TMEM26: variants seen among roughly 807,000 people sequenced by gnomAD.
TMEM26 encodes the protein transmembrane protein 26.
In TMEM26, 38 loss-of-function variants were observed where a neutral mutation model predicts 28.8. That is an observed-to-expected ratio of 1.32 (90% CI 1.02 to 1.73). TMEM26 has a LOEUF of 1.73. TMEM26 is among the 40% of genes most tolerant of loss of function. The probability of loss-of-function intolerance (pLI) is 0.00; values close to 1 mark genes in which losing one functional copy is unlikely to be tolerated. For synonymous variants in TMEM26, 227 were observed against 182.9 expected (o/e 1.24, Z -1.95); for missense variants, 518 against 447.1 (o/e 1.16, Z -1.43).
chr10:61,428,844 G>T, intron 4 of TMEM26, 82 bp downstream of exon 4: 1 of 1,210,248 alleles, frequency 8.3e-7, no homozygotes, highest in Non-Finnish European at 1.2e-6. Context: ...TTATTCATGT[G>T]AAATACAAGT....
chr10:61,453,130 C>G lies in TMEM26; in HGVS notation c.-49G>C, dbSNP rs764396058. The G allele has an allele frequency of 1.3e-6, 2 of 1,580,104 alleles. No homozygotes were observed. The highest frequency in any genetic ancestry group is 1.3e-5 in the African/African-American group (1 of 74,374). On this transcript the variant is annotated 5_prime_UTR_variant, in exon 1 of 6. Transcript: ENST00000399298. Reference sequence around the variant, plus strand: ...GTCCCCTTGCCTGCGCCCCCAGGACCCTGCCGGGCGTGCCCGGAGCCCACC... The same window carrying G: ...GTCCCCTTGCCTGCGCCCCCAGGACGCTGCCGGGCGTGCCCGGAGCCCACC...
Position 61,409,940 on chromosome 10 carries a change from T to C in TMEM26, c.*382A>G, listed in dbSNP as rs188935882. The C allele has an allele frequency of 5.1e-6, 1 of 196,830 alleles. No individual in the cohort carries two copies. The highest frequency in any genetic ancestry group is 2.4e-5 in the African/African-American group (1 of 42,532). 12.2% of individuals were successfully genotyped at this position (196,830 alleles called of 1,614,324 possible). ...ACATTGCAGAAAAGATCAGACGAAA[T>C]AGTCTGACAATGGAGGCAAAGTTCA... On this transcript the variant is annotated 3_prime_UTR_variant, in exon 6 of 6. Coordinates refer to ENST00000399298, the MANE Select transcript of TMEM26 (RefSeq NM_178505.8).
At chr10:61,440,096 C>T (rs954199174) in intron 1 of TMEM26, among the ~76,000 whole-genome samples, 2 of 151,976 alleles carry the variant, frequency 1.3e-5, no homozygotes, top group Admixed American at 1.3e-4. Flanking sequence ...AAAAATTAGT[C>T]GGGCATGGTG....
In TMEM26 at chr10:61,453,064, G is replaced by A; in HGVS notation, c.18C>T (p.Phe6=). 1.2e-6 allele frequency: 2 copies of A among 1,613,312 alleles called. No individual in the cohort carries two copies. The highest frequency in any genetic ancestry group is 1.7e-6 in the Non-Finnish European group (2 of 1,179,924). The part of the protein sequence containing the change: MEGLV[F]LNALATRLLF... ...GCAACCGAGTGGCCAGGGCGTTAAG[G>A]AAGACCAGTCCCTCCATGCTGGCCG... The change falls in exon 1 of 6, where the codon TTC becomes TTT. Residue 6 remains phenylalanine (F), a synonymous_variant. Transcript: ENST00000399298.
At chr10:61,412,910 T>TA (rs372121313) in intron 5 of TMEM26, 2 of 1,285,090 alleles carry the variant, frequency 1.6e-6, no homozygotes, top group East Asian at 1.1e-4. Flanking sequence ...TTTATGTTTT[T>TA]ATTAAAGTAA....
chr10:61,417,098 T>A (rs945725785), intron 4 of TMEM26, among the ~76,000 whole-genome samples: 9 of 152,114 alleles, frequency 5.9e-5, no homozygotes, highest in African/African-American at 2.2e-4. Context: ...AGAATGTAAA[T>A]AAATCATGGA....
chr10:61,411,486 C>T (rs1277983691), intron 5 of TMEM26, among the ~76,000 whole-genome samples: 3 of 152,190 alleles, frequency 2.0e-5, no homozygotes, highest in Admixed American at 6.5e-5. Flanking sequence ...CACACTCAAG[C>T]GTGTGCGCAA....
intron 4 of TMEM26, among the ~76,000 whole-genome samples, chr10:61,415,858 G>A (rs756690231): frequency 6.6e-6 from 1 of 152,036 alleles, no homozygotes; most frequent in Non-Finnish European, 1.5e-5. Flanking sequence ...TGATCTATGT[G>A]AGACAGTTCA....
intron 1 of TMEM26, chr10:61,452,629 T>C: frequency 2.2e-6 from 1 of 461,276 alleles, no homozygotes; most frequent in Non-Finnish European, 4.0e-6. Context: ...TTTACTCATC[T>C]TCCAAGTTTC....
At position 61,415,313 on chromosome 10, in the gene TMEM26, A is replaced by T. The variant is rs1415545497; in HGVS notation, c.606-1778T>A. On this transcript the variant is annotated intron_variant, in intron 4 of 5. Transcript: ENST00000399298. ...ATCAAATAAAATCATAGGTTGCTTC[A>T]CAAGAAATATAAGGTCTAAAATTTT... Among the ~76,000 whole-genome samples the T allele has an allele frequency of 2.6e-5, 4 of 152,252 alleles. No individual in the cohort carries two copies. In the East Asian group the frequency reaches 5.8e-4, roughly 22 times the overall value.
intron 4 of TMEM26, among the ~76,000 whole-genome samples, chr10:61,423,960 T>C (rs1839790300): frequency 6.6e-6 from 1 of 152,136 alleles, no homozygotes; most frequent in Non-Finnish European, 1.5e-5. Flanking sequence ...TTCTTCAAAC[T>C]GGTAAAGGGC....
At chr10:61,437,354 C>G (rs112916603) in intron 1 of TMEM26, among the ~76,000 whole-genome samples, 106 of 152,264 alleles carry the variant, frequency 7.0e-4, no homozygotes, top group African/African-American at 2.4e-3. Flanking sequence ...AATTTTACTT[C>G]CCGTAAAGCA....
chr10:61,436,221 C>G lies in TMEM26; in HGVS notation c.219G>C (p.Leu73=), dbSNP rs755251304. 3.8e-6 allele frequency: 6 copies of G among 1,598,072 alleles called. No homozygotes were observed. In the Admixed American group the frequency reaches 8.5e-5, roughly 23 times the overall value. ...GCCATAATGATGGAACGATGCTAATCAGATATAAAAATATGGCTGGTGAAA... is the reference window on the plus strand; with the variant it reads ...GCCATAATGATGGAACGATGCTAATGAGATATAAAAATATGGCTGGTGAAA... ...KWFSPAIFLY[L]ISIVPSLWLL... Residue 73 remains leucine, a synonymous_variant, in exon 2 of 6, where the codon CTG becomes CTC. Transcript: ENST00000399298.
intron 1 of TMEM26, 129 bp from the exon 2 acceptor site, chr10:61,436,377 C>A: frequency 3.8e-6 from 2 of 521,334 alleles, no homozygotes; most frequent in Non-Finnish European, 6.7e-6. Flanking sequence ...TTTCGTATAA[C>A]TTCAAAGTGT....
At chr10:61,423,716 G>C (rs1201742210) in intron 4 of TMEM26, among the ~76,000 whole-genome samples, 1 of 152,070 alleles carries the variant, frequency 6.6e-6, no homozygotes, top group Non-Finnish European at 1.5e-5. Context: ...CCGGGCTAAA[G>C]GGCAAGACCC....
At chr10:61,435,742 G>T (rs1589038832) in intron 2 of TMEM26, among the ~76,000 whole-genome samples, 1 of 152,114 alleles carries the variant, frequency 6.6e-6, no homozygotes, top group Non-Finnish European at 1.5e-5. Flanking sequence ...TAAGGGTTTT[G>T]TTTTTGTTTT....
intron 2 of TMEM26, among the ~76,000 whole-genome samples, chr10:61,435,925 T>G (rs1272013377): frequency 1.3e-5 from 2 of 152,196 alleles, no homozygotes; most frequent in East Asian, 3.8e-4. Flanking sequence ...AGTAATAAGA[T>G]CTCTAACACA....
At chr10:61,435,760 C>G (rs1229954766) in intron 2 of TMEM26, among the ~76,000 whole-genome samples, 1 of 152,072 alleles carries the variant, frequency 6.6e-6, no homozygotes, top group African/African-American at 2.4e-5. Context: ...TTTTGAAATT[C>G]CTAAAAGTGT....
chr10:61,445,483 G>C (rs1840164781), intron 1 of TMEM26, among the ~76,000 whole-genome samples: 1 of 152,032 alleles, frequency 6.6e-6, no homozygotes, highest in African/African-American at 2.4e-5. Context: ...CTACCTCTTT[G>C]AGGTCAGTCA....
Sources: allele counts gnomAD v4.1 joint callset (sites outside exome capture counted in the v4.1 genomes callset), GRCh38; gene constraint gnomAD v4.1.1; transcripts MANE v1.5; gene names NCBI Gene and HGNC (gene_info 2026-07-23, HGNC 2026-07-21).